Variants in AVEN observed in about 807,000 individuals in gnomAD.
AVEN encodes the protein apoptosis and caspase activation inhibitor.
AVEN carries 41 observed loss-of-function variants against 38.1 expected under a neutral mutation model. That is an observed-to-expected ratio of 1.08 (90% CI 0.84 to 1.40). AVEN has a LOEUF of 1.40. AVEN is among the 40% of genes most tolerant of loss of function. AVEN has a pLI of 0.00. For synonymous variants in AVEN, 206 were observed against 171.8 expected (o/e 1.20, Z -1.56); for missense variants, 605 against 438.8 (o/e 1.38, Z -3.38).
chr15:34,054,550 A>G (rs546968696), intron 5 of AVEN, among the ~76,000 whole-genome samples: 3 of 152,312 alleles, frequency 2.0e-5, no homozygotes, highest in Non-Finnish European at 2.9e-5. Flanking sequence ...GTTGGAAGCT[A>G]TTACCCTGAG....
intron 2 of AVEN, among the ~76,000 whole-genome samples, chr15:33,899,575 T>C (rs1892404891): frequency 6.8e-6 from 1 of 147,620 alleles, no homozygotes; most frequent in South Asian, 2.2e-4. Context: ...GTTCATGCCA[T>C]TCTCCTGCTC....
chr15:33,959,648 G>C (rs1166580780), intron 2 of AVEN, among the ~76,000 whole-genome samples: 1 of 152,132 alleles, frequency 6.6e-6, no homozygotes, highest in Non-Finnish European at 1.5e-5. Context: ...CAACAAGAAA[G>C]GTCAGACACC....
intron 2 of AVEN, among the ~76,000 whole-genome samples, chr15:33,918,005 A>G (rs1389856682): frequency 6.6e-6 from 1 of 152,232 alleles, no homozygotes; most frequent in Non-Finnish European, 1.5e-5. Context: ...GTACAAAATA[A>G]AAGTAATTTT....
chr15:34,026,491 A>G (rs546910070), intron 1 of AVEN, among the ~76,000 whole-genome samples: 2 of 152,316 alleles, frequency 1.3e-5, no homozygotes, highest in Non-Finnish European at 2.9e-5. Context: ...TTGGAATTGA[A>G]GAAATCATAT....
At chr15:34,027,454 G>C (rs956076312) in intron 1 of AVEN, among the ~76,000 whole-genome samples, 1 of 151,640 alleles carries the variant, frequency 6.6e-6, no homozygotes, top group Non-Finnish European at 1.5e-5. Flanking sequence ...GCTTGAACCC[G>C]GAAGGCAGAG....
At chr15:33,944,407 T>C (rs1275245301) in intron 2 of AVEN, among the ~76,000 whole-genome samples, 1 of 152,178 alleles carries the variant, frequency 6.6e-6, no homozygotes, top group Non-Finnish European at 1.5e-5. Context: ...CCTGCTAAAT[T>C]GTAGGAGGAA....
Position 33,990,165 on chromosome 15 carries a change from T to C in AVEN, c.445+12867A>G, listed in dbSNP as rs140619275. On this transcript the variant is annotated intron_variant, in intron 2 of 5. Transcript: ENST00000306730. ...GTTGCAGTGAGCCGAGATTGCATCG[T>C]TGCAATCCAGACTGGGCAACAGGGT... is the stretch of plus-strand genomic sequence containing the variant. Among the ~76,000 whole-genome samples, 132 of 150,246 alleles carry C rather than the reference T, an allele frequency of 8.8e-4. 1 individual carries two copies. Among genetic ancestry groups the C allele is most frequent in the African/African-American group, 3.1e-3 (127 of 40,744 alleles).
chr15:33,974,208 G>A (rs1181760690), intron 2 of AVEN, among the ~76,000 whole-genome samples: 3 of 152,026 alleles, frequency 2.0e-5, no homozygotes, highest in South Asian at 2.1e-4. Flanking sequence ...GTGACTTCAG[G>A]GGAATTTGAA....
chr15:33,860,930 A>G (rs1050864143), intron 11 of AVEN: 2 of 563,910 alleles, frequency 3.5e-6, no homozygotes, highest in South Asian at 2.6e-5. Context: ...CTAATAGCCA[A>G]TGTATGGCAC....
At chr15:33,873,245 G>A (rs758672795) in intron 3 of AVEN, among the ~76,000 whole-genome samples, 19 of 150,698 alleles carry the variant, frequency 1.3e-4, no homozygotes, top group Admixed American at 1.1e-3. Context: ...GATTACAGAC[G>A]TGCCCCACCA....
chr15:33,919,463 G>T (rs919009078), intron 2 of AVEN, among the ~76,000 whole-genome samples: 1 of 152,136 alleles, frequency 6.6e-6, no homozygotes, highest in Non-Finnish European at 1.5e-5. Flanking sequence ...CTTATTAAAA[G>T]TAGAAATGCC....
chr15:33,915,229 C>G (rs1390245496), intron 2 of AVEN, among the ~76,000 whole-genome samples: 1 of 152,138 alleles, frequency 6.6e-6, no homozygotes, highest in East Asian at 1.9e-4. Flanking sequence ...TGAACTTTTG[C>G]TCCAAGAACT....
intron 2 of AVEN, among the ~76,000 whole-genome samples, chr15:33,914,261 C>T (rs1212871742): frequency 6.6e-6 from 1 of 151,978 alleles, no homozygotes; most frequent in Admixed American, 6.6e-5. Flanking sequence ...TAGGAACACA[C>T]TGAAAAGGAA....
At chr15:33,971,283 AC>A (rs1212559311) in intron 2 of AVEN, among the ~76,000 whole-genome samples, 1 of 152,098 alleles carries the variant, frequency 6.6e-6, no homozygotes, top group African/African-American at 2.4e-5. Context: ...TTTCATTCAC[AC>A]ATATTATATA....
At chr15:34,074,537 T>C (rs973679666) in exon 1 of AVEN, among the ~76,000 whole-genome samples, 1 of 152,154 alleles carries the variant, frequency 6.6e-6, no homozygotes. Flanking sequence ...GCCTCTCTCC[T>C]AGCTTCTGGT....
intron 2 of AVEN, among the ~76,000 whole-genome samples, chr15:33,936,715 A>G (rs1309901497): frequency 5.3e-5 from 8 of 152,228 alleles, no homozygotes; most frequent in African/African-American, 2.4e-5. Context: ...AATACCCAAG[A>G]CAATTTTGAA....
intron 2 of AVEN, among the ~76,000 whole-genome samples, chr15:33,980,950 T>C (rs1175785641): frequency 2.0e-5 from 3 of 152,150 alleles, no homozygotes; most frequent in African/African-American, 4.8e-5. Context: ...AAGATTAACA[T>C]AGGATTCAGA....
intron 1 of AVEN, among the ~76,000 whole-genome samples, chr15:34,026,009 A>G (rs1898452352): frequency 6.6e-6 from 1 of 152,128 alleles, no homozygotes; most frequent in African/African-American, 2.4e-5. Context: ...TTCAAATTGG[A>G]ATATATCTAT....
chr15:33,890,926 A>T (rs374419338), intron 2 of AVEN, among the ~76,000 whole-genome samples: 32 of 152,276 alleles, frequency 2.1e-4, no homozygotes, highest in African/African-American at 7.2e-4. Flanking sequence ...TGGGCAACAT[A>T]GTGAGAACTC....
Sources: gnomAD v4.1 joint callset for allele counts (sites outside exome capture counted in the v4.1 genomes callset) on GRCh38, gnomAD v4.1.1 for gene constraint, MANE v1.5 for transcripts, NCBI Gene and HGNC (gene_info 2026-07-23, HGNC 2026-07-21) for gene names.